CDH18: variants seen among roughly 807,000 people sequenced by gnomAD.
The protein encoded by CDH18 is cadherin 18.
In CDH18, 31 loss-of-function variants were observed where a neutral mutation model predicts 67.9. That is an observed-to-expected ratio of 0.46 (90% CI 0.34 to 0.62). The LOEUF is 0.62. Among genes scored for constraint, CDH18 ranks in the 20% least tolerant of loss-of-function variants. CDH18 has a pLI of 0.01. For missense variants in CDH18, 890 were observed against 975.5 expected, an observed-to-expected ratio of 0.91 and a Z score of 1.17; for synonymous variants, 362 against 347.2, an observed-to-expected ratio of 1.04 and a Z score of -0.48.
At chr5:20,274,765 C>A (rs1456189825) in intron 1 of CDH18, among the ~76,000 whole-genome samples, 1 of 152,016 alleles carries the variant, frequency 6.6e-6, no homozygotes, top group Admixed American at 6.6e-5. Context: ...AAAACATTGG[C>A]TTTTGGCGTA....
At chr5:20,035,336 G>A (rs1050151955) in intron 2 of CDH18, among the ~76,000 whole-genome samples, 1 of 152,014 alleles carries the variant, frequency 6.6e-6, no homozygotes, top group Admixed American at 6.6e-5. Flanking sequence ...GTACTGGACT[G>A]TAAGAAGTGT....
chr5:20,439,661 A>T (rs1174796004), intron 1 of CDH18, among the ~76,000 whole-genome samples: 1 of 151,700 alleles, frequency 6.6e-6, no homozygotes, highest in Non-Finnish European at 1.5e-5. Flanking sequence ...ATAACCCTAC[A>T]TGGCCCAATC....
chr5:20,065,958 T>G (rs536487922), intron 2 of CDH18, among the ~76,000 whole-genome samples: 1 of 152,140 alleles, frequency 6.6e-6, no homozygotes, highest in Non-Finnish European at 1.5e-5. Flanking sequence ...TACGAAAGAT[T>G]AATGAAAGGC....
intron 4 of CDH18, among the ~76,000 whole-genome samples, chr5:19,724,590 T>C (rs1766558610): frequency 6.6e-6 from 1 of 151,990 alleles, no homozygotes; most frequent in South Asian, 2.1e-4. Context: ...CAGTAGCTCG[T>C]ACCATTTCAA....
At chr5:19,725,612 A>C (rs1307473738) in intron 4 of CDH18, among the ~76,000 whole-genome samples, 1 of 152,082 alleles carries the variant, frequency 6.6e-6, no homozygotes, top group Non-Finnish European at 1.5e-5. Flanking sequence ...TCTACTAAAA[A>C]TACAAAATTA....
chr5:20,172,214 A>ATGTATATATATATACG, intron 2 of CDH18, among the ~76,000 whole-genome samples: 1 of 32,860 alleles, frequency 3.0e-5, no homozygotes. Flanking sequence ...ATATATATAT[A>ATGTATATATATATACG]TATATATATG....
intron 2 of CDH18, among the ~76,000 whole-genome samples, chr5:19,840,837 G>T (rs548032935): frequency 2.0e-4 from 31 of 152,200 alleles, no homozygotes; most frequent in Admixed American, 6.5e-4. Context: ...ATTGATTCAC[G>T]AATATGGCTA....
At chr5:19,619,346 C>T (rs112740412) in intron 5 of CDH18, among the ~76,000 whole-genome samples, 110 of 152,222 alleles carry the variant, frequency 7.2e-4, no homozygotes, top group Non-Finnish European at 2.1e-4. Flanking sequence ...TACAGTAATA[C>T]AGAAAACATT....
intron 1 of CDH18, among the ~76,000 whole-genome samples, chr5:20,476,679 C>T (rs1271161970): frequency 6.6e-6 from 1 of 152,068 alleles, no homozygotes; most frequent in African/African-American, 2.4e-5. Flanking sequence ...AAGTTTCATG[C>T]ATTAAAATAA....
intron 1 of CDH18, among the ~76,000 whole-genome samples, chr5:20,355,436 G>A (rs954367836): frequency 1.2e-4 from 18 of 152,174 alleles, no homozygotes; most frequent in Non-Finnish European, 2.4e-4. Flanking sequence ...CTAAGTGGAA[G>A]GTTATTTTCT....
chr5:20,088,904 G>A (rs1041172963), intron 2 of CDH18, among the ~76,000 whole-genome samples: 1 of 152,018 alleles, frequency 6.6e-6, no homozygotes, highest in African/African-American at 2.4e-5. Context: ...TTCTCTTTCA[G>A]AACGATGGAA....
intron 9 of CDH18, among the ~76,000 whole-genome samples, chr5:19,531,569 C>T (rs1294144768): frequency 2.6e-5 from 4 of 151,984 alleles, no homozygotes; most frequent in Non-Finnish European, 4.4e-5. Flanking sequence ...GACAATCCCA[C>T]ACCTGGCTAT....
chr5:20,489,672 T>G (rs1180715681), intron 1 of CDH18, among the ~76,000 whole-genome samples: 2 of 152,014 alleles, frequency 1.3e-5, no homozygotes, highest in Non-Finnish European at 2.9e-5. Context: ...CATTTTTACT[T>G]CCAATTATGC....
At chr5:20,056,469 C>CT (rs1580139083) in intron 2 of CDH18, among the ~76,000 whole-genome samples, 1 of 16,986 alleles carries the variant, frequency 5.9e-5, no homozygotes, top group Admixed American at 6.1e-4. Context: ...TCTTTATTTT[C>CT]TTTCTTTTGT....
chr5:20,333,749 T>C (rs537232886), intron 1 of CDH18, among the ~76,000 whole-genome samples: 5 of 152,264 alleles, frequency 3.3e-5, no homozygotes, highest in African/African-American at 9.6e-5. Context: ...TTTGTACACC[T>C]TGACTCCAAA....
chr5:19,784,801 A>G (rs778859950), intron 3 of CDH18, among the ~76,000 whole-genome samples: 14 of 152,168 alleles, frequency 9.2e-5, no homozygotes, highest in Non-Finnish European at 1.9e-4. Context: ...AAAAAGACAC[A>G]TTTACCATCT....
Position 19,576,655 on chromosome 5 carries a change from C to T in CDH18, c.1000-4823G>A, listed in dbSNP as rs145845553. On this transcript the variant is annotated intron_variant, in intron 7 of 12. Coordinates refer to ENST00000382275, the MANE Select transcript of CDH18 (RefSeq NM_004934.5). ...AGGACTGTGGTTTTGTAAATTAGTACAGCCATTTTGGAAAAAAGTATGAAG... is the reference window on the plus strand; with the variant it reads ...AGGACTGTGGTTTTGTAAATTAGTATAGCCATTTTGGAAAAAAGTATGAAG... 1.4e-3 allele frequency among the ~76,000 whole-genome samples: 214 copies of T among 152,218 alleles called. 1 individual carries two copies. Among genetic ancestry groups the T allele is most frequent in the African/African-American group, 5.0e-3 (208 of 41,518 alleles).
chr5:19,780,257 G>A (rs1288821385), intron 3 of CDH18, among the ~76,000 whole-genome samples: 2 of 152,060 alleles, frequency 1.3e-5, no homozygotes, highest in Non-Finnish European at 2.9e-5. Context: ...CTTACCTGCT[G>A]TATTAGATCT....
chr5:19,542,566 T>C (rs1750442316), intron 9 of CDH18, among the ~76,000 whole-genome samples: 1 of 152,138 alleles, frequency 6.6e-6, no homozygotes. Flanking sequence ...TACAATAGAA[T>C]AATTTTGGCA....
Sources: allele counts gnomAD v4.1 joint callset (sites outside exome capture counted in the v4.1 genomes callset), GRCh38; gene constraint gnomAD v4.1.1; transcripts MANE v1.5; gene names NCBI Gene and HGNC (gene_info 2026-07-23, HGNC 2026-07-21).